RUVBL1: variants seen among roughly 807,000 people sequenced by gnomAD.
RUVBL1 encodes the protein RuvB like AAA ATPase 1.
Under a neutral mutation model 52.4 loss-of-function variants are expected in RUVBL1, and 4 were observed. The ratio of observed to expected loss-of-function variants is 0.08; its 90% CI spans 0.04 to 0.17. The LOEUF (loss-of-function observed/expected upper bound fraction) is 0.17. Among genes scored for constraint, RUVBL1 ranks in the 10% least tolerant of loss-of-function variants. The pLI is 1.00. For missense variants in RUVBL1, 298 were observed against 572.8 expected (o/e 0.52, Z 4.90); for synonymous variants, 217 against 214.4 (o/e 1.01, Z -0.10).
chr3:128,137,695 G>A (rs536281129), intron 1 of RUVBL1, among the ~76,000 whole-genome samples: 1 of 152,310 alleles, frequency 6.6e-6, no homozygotes, highest in South Asian at 2.1e-4. Flanking sequence ...TATGAGGTCA[G>A]TGTTACCCTG....
chr3:128,086,021 T>C (rs1257290451), intron 9 of RUVBL1, among the ~76,000 whole-genome samples: 1 of 152,228 alleles, frequency 6.6e-6, no homozygotes, highest in Non-Finnish European at 1.5e-5. Flanking sequence ...TCTGTCTTTT[T>C]TTGAGACAGG....
rs72970139 is a variant in RUVBL1 at position 128,141,140 on chromosome 3, G to A, written c.-40+12063C>T. ...AAGCAGGTCAATTGAAAGAAAAATG[G>A]TAATTAAGTCATAGGTGTTCCCTAG... is the stretch of plus-strand genomic sequence containing the variant. On this transcript the variant is annotated intron_variant, in intron 1 of 9. Transcript: ENST00000464873. Among the ~76,000 whole-genome samples the A allele has an allele frequency of 8.6e-4, 131 of 152,304 alleles. 1 individual carries two copies. Among genetic ancestry groups the A allele is most frequent in the African/African-American group, 3.1e-3 (127 of 41,558 alleles).
chr3:128,110,676 A>G (rs1258851130), intron 3 of RUVBL1, among the ~76,000 whole-genome samples: 2 of 152,164 alleles, frequency 1.3e-5, no homozygotes, highest in Non-Finnish European at 2.9e-5. Context: ...TCTGGTTTAG[A>G]AAAACAGTCA....
At chr3:128,123,299 G>C (rs1480233424) in intron 1 of RUVBL1, among the ~76,000 whole-genome samples, 2 of 152,160 alleles carry the variant, frequency 1.3e-5, no homozygotes, top group Non-Finnish European at 2.9e-5. Context: ...AGCCTGGTAC[G>C]AATTAAGGGG....
intron 9 of RUVBL1, chr3:128,066,676 G>A (rs1367790789): frequency 3.9e-5 from 17 of 436,450 alleles, no homozygotes; most frequent in South Asian, 7.9e-5. Flanking sequence ...CTCCCACCTC[G>A]GCCTCCCAAA....
upstream of RUVBL1, among the ~76,000 whole-genome samples, chr3:128,126,566 T>C (rs1322461915): frequency 1.3e-5 from 2 of 151,598 alleles, no homozygotes; most frequent in Non-Finnish European, 2.9e-5. Context: ...AAAAGGTCAT[T>C]GATCTGGCCT....
chr3:128,077,667 G>GCTAC (rs1214985845), downstream of RUVBL1, among the ~76,000 whole-genome samples: 1 of 152,234 alleles, frequency 6.6e-6, no homozygotes, highest in Non-Finnish European at 1.5e-5. Flanking sequence ...GTTGCCCCGT[G>GCTAC]CTACCCCCTC....
upstream of RUVBL1, among the ~76,000 whole-genome samples, chr3:128,125,002 C>T (rs867270365): frequency 7.3e-5 from 10 of 137,608 alleles, no homozygotes; most frequent in South Asian, 9.3e-4. Context: ...AGTCTCACAC[C>T]GCCTTTTTTT....
chr3:128,080,146 T>C (rs1052790409), downstream of RUVBL1, among the ~76,000 whole-genome samples: 27 of 152,216 alleles, frequency 1.8e-4, no homozygotes, highest in African/African-American at 6.5e-4. Context: ...GCCAGAGAGA[T>C]AGGGACACTT....
chr3:128,098,848 G>A (rs2107688681), intron 7 of RUVBL1, 34 bp downstream of exon 7: 2 of 1,598,430 alleles, frequency 1.3e-6, no homozygotes, highest in Non-Finnish European at 1.7e-6. Flanking sequence ...CCTCCGCCCT[G>A]CCCCTTGCTC....
At chr3:128,152,336 AAT>A (rs1420580601) in intron 1 of RUVBL1, among the ~76,000 whole-genome samples, 1 of 152,134 alleles carries the variant, frequency 6.6e-6, no homozygotes, top group African/African-American at 2.4e-5. Context: ...AGTCAGAGAT[AAT>A]GTTGTCCTCT....
At chr3:128,113,273 C>T (rs1366417389) in intron 2 of RUVBL1, among the ~76,000 whole-genome samples, 1 of 152,198 alleles carries the variant, frequency 6.6e-6, no homozygotes, top group Non-Finnish European at 1.5e-5. Flanking sequence ...ACTCCAAATG[C>T]CTCACATGAT....
At chr3:128,125,173 C>T (rs541907009), upstream of RUVBL1, among the ~76,000 whole-genome samples, 35 of 151,930 alleles carry the variant, frequency 2.3e-4, no homozygotes, top group East Asian at 6.2e-3. Context: ...CACCATCACG[C>T]CCGGCTAATT....
At chr3:128,107,129 A>T (rs957661603) in intron 3 of RUVBL1, among the ~76,000 whole-genome samples, 4 of 152,152 alleles carry the variant, frequency 2.6e-5, no homozygotes, top group African/African-American at 7.2e-5. Context: ...AAGTTTACGA[A>T]ATACTGCTCT....
intron 2 of RUVBL1, among the ~76,000 whole-genome samples, chr3:128,117,869 C>A (rs1943562606): frequency 6.6e-6 from 1 of 152,066 alleles, no homozygotes; most frequent in Non-Finnish European, 1.5e-5. Flanking sequence ...CAAAAACATG[C>A]AGAAAGAAGA....
At chr3:128,150,945 A>ATATATATTATATATTCTATATAT (rs1559841724) in intron 1 of RUVBL1, among the ~76,000 whole-genome samples, 18 of 75,388 alleles carry the variant, frequency 2.4e-4, no homozygotes, top group South Asian at 1.6e-3. Context: ...TCTATATATT[A>ATATATATTATATATTCTATATAT]TATATATTAT....
At chr3:128,114,229 T>C (rs961621374) in intron 2 of RUVBL1, among the ~76,000 whole-genome samples, 3 of 152,198 alleles carry the variant, frequency 2.0e-5, no homozygotes, top group Non-Finnish European at 4.4e-5. Context: ...CCCAGGTATA[T>C]GGGCTAAGAC....
chr3:128,133,854 C>T (rs1249033790), intron 1 of RUVBL1, among the ~76,000 whole-genome samples: 1 of 152,134 alleles, frequency 6.6e-6, no homozygotes, highest in East Asian at 1.9e-4. Flanking sequence ...TGACAAATAT[C>T]CACATCATCA....
Position 128,067,839 on chromosome 3 carries a change from G to T in RUVBL1, c.940-2619C>A. On this transcript the variant is annotated intron_variant, in intron 9 of 9. Transcript: ENST00000464873. This position sits in a 1 kb window ranked among gnomAD's most constrained non-coding sequence, Gnocchi z 4.1. ...ACTGTAAAGTTAGACTTTTTCATAT[G>T]ACTTCCTTGCGGCAGTTTTAAAGTT... is the stretch of plus-strand genomic sequence containing the variant. The T allele has an allele frequency of 1.3e-6, 1 of 745,444 alleles. No homozygotes were observed. Among genetic ancestry groups the T allele is most frequent in the Admixed American group, 2.2e-5 (1 of 45,170 alleles). The allele number at this position is 745,444 out of a possible 1,614,324, so 46.2% of individuals were successfully genotyped here.
Sources: allele counts gnomAD v4.1 joint callset (sites outside exome capture counted in the v4.1 genomes callset), GRCh38; gene constraint gnomAD v4.1.1; non-coding constraint Gnocchi (gnomAD v3.1); transcripts MANE v1.5; gene names NCBI Gene and HGNC (gene_info 2026-07-23, HGNC 2026-07-21).